HELZ: variants seen among roughly 807,000 people sequenced by gnomAD.
HELZ encodes the protein helicase with zinc finger, also known as ATP-dependent RNA helicase with zinc finger domain.
HELZ carries 23 observed loss-of-function variants against 218.2 expected under a neutral mutation model. The observed-to-expected ratio is 0.11, with a 90% CI of 0.08 to 0.15. HELZ has a LOEUF of 0.15. Ranked by LOEUF, HELZ falls within the 10% of genes least tolerant of loss-of-function variation. The pLI, the probability that HELZ is intolerant of heterozygous loss-of-function variation, is 1.00. For synonymous variants in HELZ, 814 were observed against 829.4 expected (o/e 0.98, Z 0.32); for missense variants, 1,813 against 2,353.7 (o/e 0.77, Z 4.75).
intron 5 of HELZ, among the ~76,000 whole-genome samples, chr17:67,211,247 A>C (rs2040442142): frequency 6.6e-6 from 1 of 152,182 alleles, no homozygotes; most frequent in Non-Finnish European, 1.5e-5. Context: ...TTTAAAAAAA[A>C]AACTTTGGGG....
At chr17:67,111,334 G>A (rs932107750) in intron 28 of HELZ, among the ~76,000 whole-genome samples, 1 of 152,094 alleles carries the variant, frequency 6.6e-6, no homozygotes, top group Non-Finnish European at 1.5e-5. Flanking sequence ...AATATAAGAT[G>A]GAAAGAGGCA....
At chr17:67,080,452 C>A (rs1206489851) in intron 32 of HELZ, among the ~76,000 whole-genome samples, 2 of 152,146 alleles carry the variant, frequency 1.3e-5, no homozygotes, top group Non-Finnish European at 2.9e-5. Context: ...TTCTCACAGA[C>A]CTTCTATTTA....
At chr17:67,244,301 A>G (rs1419718108) in intron 1 of HELZ, among the ~76,000 whole-genome samples, 2 of 152,102 alleles carry the variant, frequency 1.3e-5, no homozygotes, top group African/African-American at 2.4e-5. Flanking sequence ...GGGAGAAGGA[A>G]TGACAATTTT....
intron 9 of HELZ, among the ~76,000 whole-genome samples, chr17:67,193,195 A>C (rs1175993545): frequency 2.0e-5 from 3 of 151,832 alleles, no homozygotes; most frequent in African/African-American, 7.3e-5. Context: ...AAATACAAAA[A>C]TCAGCCAGGC....
At position 67,086,631 on chromosome 17, in the gene HELZ, A is replaced by ATAT. The variant is rs1598183996; in HGVS notation, c.5494+197_5494+198insATA. On this transcript the variant is annotated intron_variant, in intron 32 of 32. Transcript: ENST00000358691. ...ATATATATAAATAAATATAAATATAAATATATATATATATATATATATATA... is the reference window on the plus strand; with the variant it reads ...ATATATATAAATAAATATAAATATAATATATATATATATATATATATATATATA... Among the ~76,000 whole-genome samples, 163 of 93,264 alleles carry ATAT rather than the reference A, an allele frequency of 1.7e-3. 4 individuals carry two copies. The highest frequency in any genetic ancestry group is 7.1e-3 in the African/African-American group (147 of 20,750). 61.2% of individuals were successfully genotyped at this position (93,264 alleles called of 152,430 possible).
At chr17:67,090,747 G>C in intron 31 of HELZ, among the ~76,000 whole-genome samples, 1 of 152,158 alleles carries the variant, frequency 6.6e-6, no homozygotes, top group African/African-American at 2.4e-5. Flanking sequence ...TCCTAATATA[G>C]GTAGTTTGTA....
chr17:67,205,098 G>A (rs889789062), intron 5 of HELZ, among the ~76,000 whole-genome samples: 4 of 151,920 alleles, frequency 2.6e-5, no homozygotes, highest in Non-Finnish European at 5.9e-5. Context: ...AGGCCGAGGC[G>A]GGCAGATCAC....
chr17:67,205,484 A>T (rs184512535), intron 5 of HELZ, among the ~76,000 whole-genome samples: 1 of 152,326 alleles, frequency 6.6e-6, no homozygotes, highest in East Asian at 1.9e-4. Flanking sequence ...AAAAGTAACT[A>T]GCAGTCTCCT....
intron 3 of HELZ, among the ~76,000 whole-genome samples, chr17:67,225,778 A>G (rs550318878): frequency 1.3e-5 from 2 of 152,166 alleles, no homozygotes; most frequent in Non-Finnish European, 2.9e-5. Context: ...ACTTTTATAA[A>G]ACAGAAACTT....
intron 12 of HELZ, among the ~76,000 whole-genome samples, chr17:67,182,923 G>C (rs1270037637): frequency 6.6e-6 from 1 of 152,186 alleles, no homozygotes; most frequent in Non-Finnish European, 1.5e-5. Context: ...GACCTGGAAG[G>C]TAGATAAGAA....
At position 67,108,430 on chromosome 17, in the gene HELZ, GTCA is replaced by G; in HGVS notation, c.4724+59_4724+61del. 3 of 1,294,470 alleles carry G rather than the reference GTCA, an allele frequency of 2.3e-6. No individual in the cohort carries two copies. The highest frequency in any genetic ancestry group is 1.8e-5 in the Admixed American group (1 of 56,818). 80.2% of individuals were successfully genotyped at this position (1,294,470 alleles called of 1,614,324 possible). On this transcript the variant is annotated intron_variant, in intron 30 of 32. Transcript: ENST00000358691. This position sits in a 1 kb window ranked among gnomAD's most constrained non-coding sequence, Gnocchi z 4.1. ...CCAGCTTGAAGCTAAAAGGACTACA[GTCA>G]AAAAAGAGAACAGTGAGGGGGTCGC... is the stretch of plus-strand genomic sequence containing the variant.
intron 3 of HELZ, among the ~76,000 whole-genome samples, chr17:67,235,098 G>T (rs555985959): frequency 7.9e-5 from 12 of 152,196 alleles, no homozygotes; most frequent in Admixed American, 6.5e-4. Context: ...TTCATGTTTG[G>T]ATCCCTCAGA....
intron 27 of HELZ, among the ~76,000 whole-genome samples, chr17:67,115,811 TAA>T (rs2037407600): frequency 6.6e-6 from 1 of 152,090 alleles, no homozygotes; most frequent in Non-Finnish European, 1.5e-5. Flanking sequence ...CAAATATTTT[TAA>T]AAAGTCTTTC....
intron 28 of HELZ, among the ~76,000 whole-genome samples, chr17:67,112,427 C>T (rs993638752): frequency 6.6e-6 from 1 of 152,210 alleles, no homozygotes; most frequent in African/African-American, 2.4e-5. Context: ...GGTGCAGGTG[C>T]ACCATCCTGA....
At position 67,078,233 on chromosome 17, in the gene HELZ, T is replaced by A; in HGVS notation, c.*19A>T. ...AAACAGAAATTAAAACATTCTCCCTTGAGGGAAAAAAAAAGTGATTATTTA... is the reference window on the plus strand; with the variant it reads ...AAACAGAAATTAAAACATTCTCCCTAGAGGGAAAAAAAAAGTGATTATTTA... On this transcript the variant is annotated 3_prime_UTR_variant, in exon 33 of 33. Transcript: ENST00000358691. 6.5e-7 allele frequency: 1 copy of A among 1,548,976 alleles called. No homozygotes were observed. The highest frequency in any genetic ancestry group is 2.4e-5 in the East Asian group (1 of 42,244).
chr17:67,182,057 T>TTGGGC (rs1252619253), intron 12 of HELZ, among the ~76,000 whole-genome samples: 1 of 152,166 alleles, frequency 6.6e-6, no homozygotes, highest in African/African-American at 2.4e-5. Flanking sequence ...GCGTACCTGC[T>TTGGGC]AACACCTCAG....
At chr17:67,211,645 G>C (rs1204878153) in intron 5 of HELZ, among the ~76,000 whole-genome samples, 1 of 152,184 alleles carries the variant, frequency 6.6e-6, no homozygotes, top group Non-Finnish European at 1.5e-5. Context: ...TGGACCACTT[G>C]AGGTCAGGAG....
At chr17:67,147,559 C>T (rs2038538596) in intron 20 of HELZ, among the ~76,000 whole-genome samples, 1 of 152,082 alleles carries the variant, frequency 6.6e-6, no homozygotes, top group Non-Finnish European at 1.5e-5. Flanking sequence ...CTCACTGAAG[C>T]CTCAACCTCT....
intron 17 of HELZ, among the ~76,000 whole-genome samples, chr17:67,152,471 C>T (rs954086338): frequency 1.1e-4 from 16 of 152,072 alleles, no homozygotes; most frequent in African/African-American, 3.1e-4. Flanking sequence ...GTAACGCCAA[C>T]AGAATTTACT....
Sources: gnomAD v4.1 joint callset for allele counts (sites outside exome capture counted in the v4.1 genomes callset) on GRCh38, gnomAD v4.1.1 for gene constraint, Gnocchi (gnomAD v3.1) non-coding constraint, MANE v1.5 for transcripts, NCBI Gene and HGNC (gene_info 2026-07-23, HGNC 2026-07-21) for gene names.